Variants in IGF2R observed in about 807,000 individuals in gnomAD.
IGF2R encodes the protein insulin like growth factor 2 receptor.
IGF2R carries 91 observed loss-of-function variants against 270.6 expected under a neutral mutation model. The observed-to-expected ratio is 0.34, with a 90% confidence interval of 0.28 to 0.40. The LOEUF (loss-of-function observed/expected upper bound fraction) is 0.40, where lower values mean the gene tolerates loss of function less well. Among genes scored for constraint, IGF2R ranks in the 10% least tolerant of loss-of-function variants. IGF2R has a pLI of 1.00. For synonymous variants in IGF2R, 1,316 were observed against 1,258.9 expected (o/e 1.05, Z -0.96); for missense variants, 2,805 against 3,188.3 (o/e 0.88, Z 2.90).
chr6:160,096,204 C>T (rs1779352580), intron 44 of IGF2R: 2 of 398,510 alleles, frequency 5.0e-6, no homozygotes, highest in Non-Finnish European at 4.5e-6. Flanking sequence ...TCAATAAATA[C>T]TCGTGGTTAA....
At chr6:160,060,793 T>G in intron 23 of IGF2R, 76 bp downstream of exon 23, 1 of 1,411,500 alleles carries the variant, frequency 7.1e-7, no homozygotes, top group Non-Finnish European at 9.9e-7. Context: ...AAGGTGTGTT[T>G]CTGTGTGTAT....
intron 22 of IGF2R, among the ~76,000 whole-genome samples, chr6:160,060,242 C>T (rs1410490113): frequency 2.6e-5 from 4 of 151,860 alleles, no homozygotes; most frequent in Admixed American, 1.3e-4. Context: ...CATAGGCCAC[C>T]ATTGGAGCGA....
rs140022962 is a variant in IGF2R at position 160,080,164 on chromosome 6, A to G, written c.5722A>G (p.Ile1908Val). The change falls in exon 39 of 48, where the codon ATA becomes GTA. Residue 1908 changes from isoleucine (I) to valine (V), a missense_variant. Physicochemically the swap from Ile to Val is conservative, Grantham distance 29. Coordinates refer to ENST00000356956, the MANE Select transcript of IGF2R (RefSeq NM_000876.4). ...CGGCGTCCCCTGTGTCTTCCCCTTCATATTCAATGGGAAGAGCTACGAGGA... is the reference window on the plus strand; with the variant it reads ...CGGCGTCCCCTGTGTCTTCCCCTTCGTATTCAATGGGAAGAGCTACGAGGA... ...DDGVPCVFPF[I>V]FNGKSYEECI... 110 of 1,614,046 alleles carry G rather than the reference A, an allele frequency of 6.8e-5. No homozygotes were observed. Among genetic ancestry groups the G allele is most frequent in the Non-Finnish European group, 9.0e-5 (106 of 1,180,032 alleles).
At chr6:160,041,591 GT>G (rs979107694) in intron 11 of IGF2R, among the ~76,000 whole-genome samples, 11 of 151,234 alleles carry the variant, frequency 7.3e-5, no homozygotes, top group East Asian at 3.9e-4. Flanking sequence ...CATGTATCTT[GT>G]TTTTTTTTAA....
In IGF2R at chr6:160,107,088, C is replaced by G. The variant is rs550148450; in HGVS notation, c.*2004C>G. ...TCAACCGTCTCATTTTTAAATTATC[C>G]AATTGGAGTTACCTTTTTAAAAAAG... On this transcript the variant is annotated 3_prime_UTR_variant, in exon 48 of 48. Transcript: ENST00000356956. The G allele has an allele frequency of 6.6e-6, 1 of 152,242 alleles. No homozygotes were observed. Among genetic ancestry groups the G allele is most frequent in the South Asian group, 2.1e-4 (1 of 4,830 alleles). The allele number at this position is 152,242 out of a possible 1,614,324, so 9.4% of individuals were successfully genotyped here.
intron 11 of IGF2R, among the ~76,000 whole-genome samples, chr6:160,042,897 C>T (rs1013336960): frequency 1.3e-5 from 2 of 152,050 alleles, no homozygotes; most frequent in African/African-American, 4.8e-5. Context: ...CTCTGTCCCC[C>T]AGTTGGGCCT....
chr6:160,012,630 AGTCACCTCCCCAG>A (rs923770879), intron 4 of IGF2R, among the ~76,000 whole-genome samples: 6 of 151,526 alleles, frequency 4.0e-5, no homozygotes, highest in African/African-American at 1.2e-4. Context: ...CTCATGATCC[AGTCACCTCCCCAG>A]GCCCCGCCTC....
Position 160,104,927 on chromosome 6 carries a change from G to A in IGF2R, c.7319G>A (p.Ser2440Asn). 2 of 1,614,186 alleles carry A rather than the reference G, an allele frequency of 1.2e-6. No homozygotes were observed. Among genetic ancestry groups the A allele is most frequent in the South Asian group, 2.2e-5 (2 of 91,082 alleles). Residue 2440 changes from serine (S) to asparagine (N), a missense_variant, in exon 48 of 48, where the codon AGC (serine) becomes AAC (asparagine). Physicochemically the swap from Ser to Asn is conservative, Grantham distance 46. Around this residue, in one of 2 missense-constraint regions of IGF2R, gnomAD observed 1,851 missense variants for 2,207.2 expected, o/e 0.84. Transcript: ENST00000356956. ...ESSHPVRNAQ[S>N]NALQEREDDR... ...TCCCACCCAGTGAGAAACGCACAGAGCAATGCCCTTCAGGAGCGTGAGGAC... is the reference window on the plus strand; with the variant it reads ...TCCCACCCAGTGAGAAACGCACAGAACAATGCCCTTCAGGAGCGTGAGGAC...
chr6:160,015,480 A>G (rs1454931290), intron 4 of IGF2R, among the ~76,000 whole-genome samples: 1 of 151,896 alleles, frequency 6.6e-6, no homozygotes, highest in Admixed American at 6.6e-5. Context: ...TACTTCATGA[A>G]ACTGTACCGC....
At chr6:160,026,105 T>TA (rs1185770854) in intron 5 of IGF2R, among the ~76,000 whole-genome samples, 1 of 152,198 alleles carries the variant, frequency 6.6e-6, no homozygotes, top group Admixed American at 6.5e-5. Context: ...ATCATGTGCT[T>TA]ACCTCCTTGC....
intron 19 of IGF2R, among the ~76,000 whole-genome samples, chr6:160,054,341 T>C (rs781061093): frequency 3.3e-5 from 5 of 152,180 alleles, no homozygotes; most frequent in Non-Finnish European, 4.4e-5. Context: ...TTAAATATAT[T>C]ACAGTTGGGC....
chr6:160,062,259 C>T lies in IGF2R; in HGVS notation c.3583-273C>T, dbSNP rs537586600. Among the ~76,000 whole-genome samples, 611 of 150,282 alleles carry T rather than the reference C, an allele frequency of 4.1e-3. 1 individual carries two copies. Among genetic ancestry groups the T allele is most frequent in the Non-Finnish European group, 6.0e-3 (407 of 67,624 alleles). ...TGCAATCTTGGCTCACTGCAACCTC[C>T]GCCCCCCAGGTTCAAGTGATTCTCC... is the stretch of plus-strand genomic sequence containing the variant. On this transcript the variant is annotated intron_variant, in intron 25 of 47. Transcript: ENST00000356956.
rs567792297 is a variant in IGF2R at position 159,980,053 on chromosome 6, C to A, written c.149+10658C>A. On this transcript the variant is annotated intron_variant, in intron 1 of 47. Transcript: ENST00000356956. ...AATCTTAGATGGGCGCGGTGGCGGG[C>A]GCCTGTAGTCCCAGCTACTCGGGAG... is the stretch of plus-strand genomic sequence containing the variant. Among the ~76,000 whole-genome samples the A allele has an allele frequency of 5.3e-5, 8 of 152,052 alleles. No individual in the cohort carries two copies. The South Asian group carries it at 1.5e-3, about 28-fold the overall frequency.
rs764081335 is a variant in IGF2R at position 160,058,130 on chromosome 6, A to T, written c.2898+6A>T. The T allele has an allele frequency of 6.4e-7, 1 of 1,572,092 alleles. No homozygotes were observed. Among genetic ancestry groups the T allele is most frequent in the East Asian group, 2.2e-5 (1 of 44,664 alleles). On this transcript the variant is annotated splice_donor_region_variant and intron_variant, in intron 21 of 47. Transcript: ENST00000356956. ...GCATTGGGAAGATTTTTATGGTAAG[A>T]GCGATATGATGCATTTCCAGTTTGC...
chr6:160,035,072 G>A (rs1583272028), intron 10 of IGF2R, among the ~76,000 whole-genome samples: 1 of 152,250 alleles, frequency 6.6e-6, no homozygotes, highest in Admixed American at 6.5e-5. Context: ...AAGCGGTGCC[G>A]CTGTCCATAT....
At chr6:160,015,951 G>T (rs555687190) in intron 4 of IGF2R, among the ~76,000 whole-genome samples, 1 of 152,196 alleles carries the variant, frequency 6.6e-6, no homozygotes, top group Non-Finnish European at 1.5e-5. Context: ...ACCTTCTGCC[G>T]TGAGTGAAAG....
At chr6:160,027,819 C>T (rs1282634220) in intron 6 of IGF2R, among the ~76,000 whole-genome samples, 1 of 152,214 alleles carries the variant, frequency 6.6e-6, no homozygotes, top group Non-Finnish European at 1.5e-5. Flanking sequence ...CCTTGGCAGA[C>T]ATACGCATTT....
rs761185315 is a variant in IGF2R at position 160,084,109 on chromosome 6, A to G, written c.5993A>G (p.Gln1998Arg). The G allele has an allele frequency of 1.2e-5, 20 of 1,614,116 alleles. No homozygotes were observed. In the East Asian group the frequency reaches 4.0e-4, roughly 32 times the overall value. The change falls in exon 40 of 48, where the codon CAG (glutamine) becomes CGG (arginine). Residue 1998 changes from glutamine (Q) to arginine (R), a missense_variant. By Grantham distance (43) the Gln-to-Arg change is conservative. Around this residue, in one of 2 missense-constraint regions of IGF2R, gnomAD observed 1,851 missense variants for 2,207.2 expected, o/e 0.84. Transcript: ENST00000356956. The surrounding 1 kb of genome is among the most constrained non-coding windows in gnomAD (Gnocchi z 4.6). ...AAGAAGTTGGAGTGCAAATTCGTCCAGAAACACAAAACCTACGACCTGCGG... is the reference window on the plus strand; with the variant it reads ...AAGAAGTTGGAGTGCAAATTCGTCCGGAAACACAAAACCTACGACCTGCGG... ...PPKKLECKFV[Q>R]KHKTYDLRLL... is the part of the protein sequence containing the mutation.
chr6:160,025,723 A>G (rs1392826788), intron 5 of IGF2R, among the ~76,000 whole-genome samples: 3 of 152,172 alleles, frequency 2.0e-5, no homozygotes, highest in Non-Finnish European at 4.4e-5. Context: ...CTCCAAGGAT[A>G]ACCTTTATTG....
Sources: gnomAD v4.1 joint callset for allele counts (sites outside exome capture counted in the v4.1 genomes callset) on GRCh38, gnomAD v4.1.1 for gene constraint, gnomAD v4.1.1 regional missense constraint, Gnocchi (gnomAD v3.1) non-coding constraint, MANE v1.5 for transcripts, NCBI Gene and HGNC (gene_info 2026-07-23, HGNC 2026-07-21) for gene names.